Variants in FAT3 observed in about 807,000 individuals in gnomAD.
FAT3 encodes FAT atypical cadherin 3, also known as protocadherin Fat 3.
Under a neutral mutation model 310.2 loss-of-function variants are expected in FAT3, and 95 were observed. That is an observed-to-expected ratio of 0.31 (90% CI 0.26 to 0.36). FAT3 has a LOEUF of 0.36. FAT3 is among the 10% of genes least tolerant of loss of function. The probability of loss-of-function intolerance (pLI) is 1.00; values close to 1 mark genes in which losing one functional copy is unlikely to be tolerated. For missense variants in FAT3, 5,408 were observed against 5,715.6 expected (o/e 0.95, Z 1.74); for synonymous variants, 2,314 against 2,192.9 (o/e 1.06, Z -1.54).
chr11:92,492,212 T>TA (rs1326583781), intron 2 of FAT3, among the ~76,000 whole-genome samples: 1 of 152,040 alleles, frequency 6.6e-6, no homozygotes, highest in Non-Finnish European at 1.5e-5. Context: ...TCCTATTTAA[T>TA]GAATGCTATT....
chr11:92,391,582 G>A (rs578013681), intron 2 of FAT3, among the ~76,000 whole-genome samples: 1 of 152,244 alleles, frequency 6.6e-6, no homozygotes, highest in Admixed American at 6.5e-5. Flanking sequence ...GGTAAGGGAG[G>A]ATCATGTGTA....
At chr11:92,336,027 A>G in intron 1 of FAT3, 1 of 487,276 alleles carries the variant, frequency 2.1e-6, no homozygotes, top group Non-Finnish European at 4.0e-6. Context: ...CCACTCAGCA[A>G]CTGGTCAGTT....
intron 2 of FAT3, among the ~76,000 whole-genome samples, chr11:92,489,887 CT>C (rs566218023): frequency 3.5e-3 from 487 of 139,742 alleles, no homozygotes; most frequent in Admixed American, 3.9e-3. Context: ...TTTTCTTTTT[CT>C]TTTTTTTTTT....
In FAT3 at chr11:92,352,627, C is replaced by G; in HGVS notation, c.515C>G (p.Pro172Arg). ...TYSVTIAEST[P>R]LRTSVAQVTA... ...TCTGTTACCATAGCAGAAAGCACACCTCTAAGGACTAGTGTTGCCCAGGTG... is the reference window on the plus strand; with the variant it reads ...TCTGTTACCATAGCAGAAAGCACACGTCTAAGGACTAGTGTTGCCCAGGTG... The change falls in exon 2 of 28, where the codon CCT (proline) becomes CGT (arginine). Residue 172 changes from proline to arginine, a missense_variant. This residue lies in a region of FAT3 where 4,588 missense variants were observed against 4,809.8 expected (regional missense o/e 0.95). Transcript: ENST00000525166. 1 of 1,613,818 alleles carries G rather than the reference C, an allele frequency of 6.2e-7. No homozygotes were observed. The highest frequency in any genetic ancestry group is 8.5e-7 in the Non-Finnish European group (1 of 1,179,868).
chr11:92,511,693 G>C (rs973288607), intron 2 of FAT3, among the ~76,000 whole-genome samples: 5 of 152,248 alleles, frequency 3.3e-5, no homozygotes, highest in African/African-American at 1.2e-4. Flanking sequence ...CCTCCTTGAG[G>C]GTTGAGGAGC....
intron 3 of FAT3, among the ~76,000 whole-genome samples, chr11:92,587,149 T>A (rs542643340): frequency 1.3e-5 from 2 of 152,170 alleles, no homozygotes; most frequent in South Asian, 4.1e-4. Flanking sequence ...TATATTAAAT[T>A]GTGTGTACTT....
intron 13 of FAT3, among the ~76,000 whole-genome samples, chr11:92,827,765 C>G (rs923525052): frequency 2.6e-5 from 4 of 152,176 alleles, no homozygotes; most frequent in Admixed American, 6.5e-5. Context: ...TTTTCTTTCT[C>G]CTATCCCACT....
Position 92,844,674 on chromosome 11 carries a change from G to A in FAT3, c.11307G>A (p.Thr3769=), listed in dbSNP as rs1213888480. 8.8e-6 allele frequency: 14 copies of A among 1,596,640 alleles called. No individual in the cohort carries two copies. The highest frequency in any genetic ancestry group is 5.6e-5 in the South Asian group (5 of 88,510). The part of the protein sequence containing the change: ...LDSHALMTYS[T]ARISFVCPRF... Reference sequence around the variant, plus strand: ...CCCACGCGCTCATGACCTACAGCACGGCTCGCATCAGCTTTGTGTGTCCGC... The same window carrying A: ...CCCACGCGCTCATGACCTACAGCACAGCTCGCATCAGCTTTGTGTGTCCGC... Residue 3769 remains threonine (T), a synonymous_variant, in exon 19 of 28, where the codon ACG becomes ACA. Transcript: ENST00000525166.
At chr11:92,424,119 T>G (rs1950583513) in intron 2 of FAT3, among the ~76,000 whole-genome samples, 1 of 152,150 alleles carries the variant, frequency 6.6e-6, no homozygotes, top group Non-Finnish European at 1.5e-5. Flanking sequence ...CCAAAGGCCT[T>G]TGCTGAAGCT....
intron 1 of FAT3, among the ~76,000 whole-genome samples, chr11:92,280,573 T>C (rs1946394533): frequency 6.6e-6 from 1 of 152,212 alleles, no homozygotes; most frequent in South Asian, 2.1e-4. Flanking sequence ...CAGCTATCTG[T>C]CATTGCTGCA....
At chr11:92,856,959 T>C (rs1037794814) in intron 19 of FAT3, among the ~76,000 whole-genome samples, 1 of 152,226 alleles carries the variant, frequency 6.6e-6, no homozygotes, top group Non-Finnish European at 1.5e-5. Context: ...GAGCTCTGTT[T>C]ACTCTTTGTA....
intron 1 of FAT3, among the ~76,000 whole-genome samples, chr11:92,254,494 C>T (rs1403108363): frequency 6.6e-6 from 1 of 152,120 alleles, no homozygotes; most frequent in Admixed American, 6.6e-5. Context: ...CTCCACTGAA[C>T]ATTTGAGAAA....
chr11:92,664,089 C>T (rs1273998656), intron 3 of FAT3, among the ~76,000 whole-genome samples: 1 of 152,128 alleles, frequency 6.6e-6, no homozygotes, highest in Non-Finnish European at 1.5e-5. Flanking sequence ...TCATTCTCAT[C>T]ATCACTCTTT....
intron 1 of FAT3, among the ~76,000 whole-genome samples, chr11:92,291,745 C>T: frequency 6.6e-6 from 1 of 152,068 alleles, no homozygotes; most frequent in East Asian, 1.9e-4. Flanking sequence ...AAACTTTTCT[C>T]ACCATTGGTG....
chr11:92,717,516 T>C (rs2135963694), intron 4 of FAT3, among the ~76,000 whole-genome samples: 1 of 152,334 alleles, frequency 6.6e-6, no homozygotes, highest in Middle Eastern at 3.4e-3. Context: ...CCAGAATGGC[T>C]TTGTCATCCA....
chr11:92,666,550 C>T (rs1248888530), intron 3 of FAT3, among the ~76,000 whole-genome samples: 6 of 149,090 alleles, frequency 4.0e-5, no homozygotes, highest in South Asian at 2.1e-4. Flanking sequence ...TTAGTAGAGA[C>T]GGGGTTTCAC....
intron 2 of FAT3, among the ~76,000 whole-genome samples, chr11:92,466,714 T>A (rs1348710112): frequency 7.0e-6 from 1 of 143,788 alleles, no homozygotes; most frequent in Non-Finnish European, 1.5e-5. Context: ...GTGTATCTCC[T>A]AATGCTATCC....
At chr11:92,889,957 A>T in intron 27 of FAT3, 66 bp downstream of exon 27, 1 of 717,614 alleles carries the variant, frequency 1.4e-6, no homozygotes, top group Non-Finnish European at 2.6e-6. Context: ...GTTCATTCTT[A>T]CCCTGTTCCT....
chr11:92,699,166 G>C (rs1304691955), intron 4 of FAT3, among the ~76,000 whole-genome samples: 1 of 152,190 alleles, frequency 6.6e-6, no homozygotes, highest in Admixed American at 6.5e-5. Context: ...TCATTGATTA[G>C]TACAAGTTGA....
Sources: gnomAD v4.1 joint callset for allele counts (sites outside exome capture counted in the v4.1 genomes callset) on GRCh38, gnomAD v4.1.1 for gene constraint, gnomAD v4.1.1 regional missense constraint, MANE v1.5 for transcripts, NCBI Gene and HGNC (gene_info 2026-07-23, HGNC 2026-07-21) for gene names.